The following MAP3K20 variants were observed in gnomAD, a reference collection of about 807,000 sequenced individuals.
MAP3K20 encodes the protein mitogen-activated protein kinase kinase kinase 20, also known as HCCS-4.
A neutral mutation model predicts 85.7 loss-of-function variants in MAP3K20; 40 were observed. The observed-to-expected ratio is 0.47, with a 90% CI of 0.36 to 0.61. The LOEUF is 0.61. Among genes scored for constraint, MAP3K20 ranks in the 20% least tolerant of loss-of-function variants. The pLI is 0.00. For missense variants in MAP3K20, 817 were observed against 961.7 expected, an observed-to-expected ratio of 0.85 and a Z score of 1.99; for synonymous variants, 325 against 327.7, an observed-to-expected ratio of 0.99 and a Z score of 0.09.
At chr2:173,089,183 T>TAAA (rs71018532) in intron 1 of MAP3K20, among the ~76,000 whole-genome samples, 2 of 147,798 alleles carry the variant, frequency 1.4e-5, no homozygotes, top group African/African-American at 2.5e-5. Context: ...CCTTTTTATT[T>TAAA]AAAAAAAAAA....
At chr2:173,088,560 G>A (rs1687204290) in intron 1 of MAP3K20, among the ~76,000 whole-genome samples, 1 of 152,204 alleles carries the variant, frequency 6.6e-6, no homozygotes, top group Non-Finnish European at 1.5e-5. Context: ...CGTCTAGAGA[G>A]TGGGAATTGG....
At chr2:173,200,537 A>G (rs1021293466) in intron 8 of MAP3K20, among the ~76,000 whole-genome samples, 2 of 152,238 alleles carry the variant, frequency 1.3e-5, no homozygotes, top group Non-Finnish European at 2.9e-5. Context: ...TTATCTAGTC[A>G]TCTATAATAT....
At chr2:173,123,370 T>G (rs1026745784) in intron 2 of MAP3K20, among the ~76,000 whole-genome samples, 1 of 152,194 alleles carries the variant, frequency 6.6e-6, no homozygotes, top group African/African-American at 2.4e-5. Flanking sequence ...CCACTATATA[T>G]TAACAAGGGT....
At chr2:173,144,388 G>A (rs1464551624) in intron 2 of MAP3K20, among the ~76,000 whole-genome samples, 7 of 148,636 alleles carry the variant, frequency 4.7e-5, no homozygotes, top group Non-Finnish European at 8.9e-5. Context: ...GTGTGAACCT[G>A]GGAGGCGGAG....
intron 2 of MAP3K20, among the ~76,000 whole-genome samples, chr2:173,137,233 A>G (rs1003471566): frequency 2.0e-5 from 3 of 152,232 alleles, no homozygotes; most frequent in Admixed American, 6.5e-5. Flanking sequence ...AAATTTATAT[A>G]TGCAAAATTC....
intron 16 of MAP3K20, among the ~76,000 whole-genome samples, chr2:173,257,969 T>C (rs1685198493): frequency 6.6e-6 from 1 of 152,184 alleles, no homozygotes; most frequent in Non-Finnish European, 1.5e-5. Context: ...ATACTATCGT[T>C]TAAAAATCTA....
intron 3 of MAP3K20, among the ~76,000 whole-genome samples, chr2:173,170,199 A>G (rs1689958800): frequency 6.6e-6 from 1 of 152,222 alleles, no homozygotes; most frequent in South Asian, 2.1e-4. Context: ...GCTGAAATGA[A>G]ACATGTTTTT....
At chr2:173,135,469 A>C (rs1396919258) in intron 2 of MAP3K20, among the ~76,000 whole-genome samples, 2 of 152,226 alleles carry the variant, frequency 1.3e-5, no homozygotes, top group African/African-American at 4.8e-5. Context: ...GATGAGGAAG[A>C]TGTGGCTTAA....
At chr2:173,199,538 A>T (rs1483874081) in intron 8 of MAP3K20, among the ~76,000 whole-genome samples, 1 of 152,140 alleles carries the variant, frequency 6.6e-6, no homozygotes, top group Admixed American at 6.6e-5. Flanking sequence ...ATGATTAGAG[A>T]TCTTGTTCTG....
intron 14 of MAP3K20, among the ~76,000 whole-genome samples, chr2:173,235,452 T>C (rs1040999787): frequency 3.3e-5 from 5 of 152,194 alleles, no homozygotes; most frequent in African/African-American, 1.2e-4. Flanking sequence ...GCAGCATAGA[T>C]GAGCCTTGAA....
chr2:173,159,730 C>A (rs1548045), intron 2 of MAP3K20, among the ~76,000 whole-genome samples: 151,080 of 152,348 alleles, frequency 0.99, 74,928 homozygotes, highest in Middle Eastern at 1. Context: ...GTGTGAACAC[C>A]AAGAATGTAA....
chr2:173,127,508 G>A (rs1398774147), intron 2 of MAP3K20, among the ~76,000 whole-genome samples: 1 of 152,004 alleles, frequency 6.6e-6, no homozygotes, highest in African/African-American at 2.4e-5. Context: ...AAGAGTTTTT[G>A]GCAGAGAAAA....
rs10200091 is a variant in MAP3K20, at chr2:173,136,547, A to G, written c.160-33258A>G. ...AAAGAAAGGAAGATTCTAAATGACA[A>G]TCTTTTGAATAGTGCAAGTTCAATC... On this transcript the variant is annotated intron_variant, in intron 2 of 19. Coordinates refer to ENST00000375213, the MANE Select transcript of MAP3K20 (RefSeq NM_016653.3). 5.3e-3 allele frequency among the ~76,000 whole-genome samples: 802 copies of G among 152,312 alleles called. 12 individuals are homozygous for G. The highest frequency in any genetic ancestry group is 0.019 in the African/African-American group (773 of 41,570).
chr2:173,234,702 C>T (rs572509981), intron 14 of MAP3K20, among the ~76,000 whole-genome samples: 8 of 152,284 alleles, frequency 5.3e-5, no homozygotes, highest in South Asian at 4.1e-4. Context: ...TCCCGACCTA[C>T]GTAGCATAAG....
At chr2:173,209,424 C>T (rs1302138003) in intron 9 of MAP3K20, among the ~76,000 whole-genome samples, 1 of 152,164 alleles carries the variant, frequency 6.6e-6, no homozygotes, top group Non-Finnish European at 1.5e-5. Context: ...TTTAGGAGTT[C>T]TTAAAAGAGA....
intron 2 of MAP3K20, among the ~76,000 whole-genome samples, chr2:173,093,451 CTTTG>C (rs1574005613): frequency 6.6e-6 from 1 of 152,110 alleles, no homozygotes; most frequent in African/African-American, 2.4e-5. Context: ...CAAACTCTAA[CTTTG>C]TTTATGTGAG....
intron 16 of MAP3K20, among the ~76,000 whole-genome samples, chr2:173,241,392 C>G (rs183381481): frequency 6.6e-6 from 1 of 152,052 alleles, no homozygotes; most frequent in African/African-American, 2.4e-5. Context: ...GCTGGGGGAT[C>G]GCTTGAGCCT....
intron 16 of MAP3K20, among the ~76,000 whole-genome samples, chr2:173,242,308 TAC>T (rs1439949634): frequency 6.6e-6 from 1 of 151,890 alleles, no homozygotes; most frequent in Non-Finnish European, 1.5e-5. Flanking sequence ...TACCTGGGAT[TAC>T]AGTCGCGTGC....
chr2:173,186,020 G>A (rs571381280), intron 4 of MAP3K20, among the ~76,000 whole-genome samples: 1 of 152,214 alleles, frequency 6.6e-6, no homozygotes, highest in African/African-American at 2.4e-5. Context: ...ACATTAAATA[G>A]AATTTTATGT....
Sources: allele counts gnomAD v4.1 joint callset (sites outside exome capture counted in the v4.1 genomes callset), GRCh38; gene constraint gnomAD v4.1.1; transcripts MANE v1.5; gene names NCBI Gene and HGNC (gene_info 2026-07-23, HGNC 2026-07-21).